PRKDC: variants seen among roughly 807,000 people sequenced by gnomAD.
PRKDC encodes the protein protein kinase, DNA-activated, catalytic subunit.
PRKDC carries 82 observed loss-of-function variants against 486.9 expected under a neutral mutation model. The observed-to-expected ratio is 0.17, with a 90% CI of 0.14 to 0.20. The LOEUF is 0.20. Ranked by LOEUF, PRKDC falls within the 10% of genes least tolerant of loss-of-function variation. PRKDC has a pLI of 1.00. For synonymous variants in PRKDC, 1,895 were observed against 1,837.0 expected, an observed-to-expected ratio of 1.03 and a Z score of -0.81; for missense variants, 4,504 against 5,038.2, an observed-to-expected ratio of 0.89 and a Z score of 3.21.
At position 47,819,349 on chromosome 8, in the gene PRKDC, T is replaced by C. The variant is rs2087529022; in HGVS notation, c.9445+53A>G. 5 of 1,207,312 alleles carry C rather than the reference T, an allele frequency of 4.1e-6. 1 individual carries two copies. In the East Asian group the frequency reaches 1.3e-4, roughly 32 times the overall value. The allele number at this position is 1,207,312 out of a possible 1,614,324, so 74.8% of individuals were successfully genotyped here. ...ACTAAGCAGAAAATAATTTAGATGC[T>C]AAAACTCTTCCACAATTAGAAATGA... On this transcript the variant is annotated intron_variant, in intron 67 of 85. Coordinates refer to ENST00000314191, the MANE Select transcript of PRKDC (RefSeq NM_006904.7).
intron 29 of PRKDC, 42 bp downstream of exon 29, chr8:47,898,428 T>C (rs775413036): frequency 6.8e-7 from 1 of 1,461,140 alleles, no homozygotes; most frequent in Non-Finnish European, 9.4e-7. Flanking sequence ...GAATTAGTTT[T>C]ATGTTGTGGG....
At position 47,902,754 on chromosome 8, in the gene PRKDC, A is replaced by G; in HGVS notation, c.3084T>C (p.Phe1028=). 6.2e-7 allele frequency: 1 copy of G among 1,613,726 alleles called. No homozygotes were observed. The highest frequency in any genetic ancestry group is 8.5e-7 in the Non-Finnish European group (1 of 1,179,794). ...GGAATTCTCGAATACACCGACCACA[A>G]AAATCTCTTAAAGTACTGTCAACAG... The part of the protein sequence containing the change: ...VDPVDSTLRD[F]CGRCIREFLK... The change falls in exon 27 of 86, where the codon TTT becomes TTC. Residue 1028 remains phenylalanine (F), a synonymous_variant. Transcript: ENST00000314191.
At position 47,928,344 on chromosome 8, in the gene PRKDC, G is replaced by T. The variant is rs552544081; in HGVS notation, c.2140-454C>A. 2.6e-4 allele frequency among the ~76,000 whole-genome samples: 39 copies of T among 151,846 alleles called. No individual in the cohort carries two copies. The South Asian group carries it at 7.5e-3, about 29-fold the overall frequency. The stretch of plus-strand genomic sequence containing the variant: ...TTTTTTGTATTTTTAGTACAGATGG[G>T]ATTTCGCCATGTTGGCCAGGCTGGT... On this transcript the variant is annotated intron_variant, in intron 19 of 85. Transcript: ENST00000314191.
chr8:47,773,777 T>C lies in PRKDC; in HGVS notation c.*396A>G, dbSNP rs925372508. The C allele has an allele frequency of 3.7e-5, 9 of 240,176 alleles. No homozygotes were observed. The highest frequency in any genetic ancestry group is 1.8e-4 in the African/African-American group (8 of 45,488). The allele number at this position is 240,176 out of a possible 1,614,324, so 14.9% of individuals were successfully genotyped here. On this transcript the variant is annotated 3_prime_UTR_variant, in exon 86 of 86. Coordinates refer to ENST00000314191, the MANE Select transcript of PRKDC (RefSeq NM_006904.7). ...AATCTTGGTGATGAAGCCTTCTGAG[T>C]GTGCTTTCCAATGTGCCAGAACCAG... is the stretch of plus-strand genomic sequence containing the variant.
chr8:47,828,078 G>T, intron 62 of PRKDC, 90 bp downstream of exon 62: 2 of 1,280,092 alleles, frequency 1.6e-6, no homozygotes, highest in Non-Finnish European at 2.2e-6. Flanking sequence ...GTTATCAAGA[G>T]TCTCAACACG....
chr8:47,941,863 T>G (rs2090450301), intron 10 of PRKDC, among the ~76,000 whole-genome samples: 1 of 152,268 alleles, frequency 6.6e-6, no homozygotes, highest in Non-Finnish European at 1.5e-5. Flanking sequence ...CTCTAAAATC[T>G]ATTCAATGTA....
chr8:47,834,448 C>T (rs2087961946), intron 58 of PRKDC, 52 bp from the exon 59 acceptor site: 21 of 1,585,938 alleles, frequency 1.3e-5, no homozygotes, highest in Non-Finnish European at 1.8e-5. Context: ...CAGCTCTGTG[C>T]ACGGGGCAGG....
intron 71 of PRKDC, 67 bp downstream of exon 71, chr8:47,800,726 G>A (rs1274531351): frequency 5.1e-6 from 7 of 1,377,808 alleles, no homozygotes; most frequent in Middle Eastern, 3.6e-4. Flanking sequence ...TTACTTTCCT[G>A]TAGCCTGAAC....
At chr8:47,792,682 T>C (rs1447588665) in intron 74 of PRKDC, among the ~76,000 whole-genome samples, 1 of 152,202 alleles carries the variant, frequency 6.6e-6, no homozygotes, top group East Asian at 1.9e-4. Flanking sequence ...GATGTGATTG[T>C]TACACACTGT....
Position 47,878,503 on chromosome 8 carries a change from T to C in PRKDC, c.5236-652A>G, listed in dbSNP as rs564573651. 6.4e-4 allele frequency among the ~76,000 whole-genome samples: 98 copies of C among 152,274 alleles called. 1 individual carries two copies. In the South Asian group the frequency reaches 0.02, roughly 31 times the overall value. ...TTCAACAGGCCCCCCTCCTTCACCA[T>C]GCCAGGGACTCTCGCCCTTACTCTG... On this transcript the variant is annotated intron_variant, in intron 39 of 85. Transcript: ENST00000314191.
intron 1 of PRKDC, among the ~76,000 whole-genome samples, chr8:47,957,726 G>T (rs1279883050): frequency 6.6e-6 from 1 of 152,102 alleles, no homozygotes; most frequent in Non-Finnish European, 1.5e-5. Context: ...GTGTTAGCCA[G>T]GATGGTCTCG....
At chr8:47,795,579 G>T (rs1360958713) in intron 73 of PRKDC, among the ~76,000 whole-genome samples, 2 of 145,278 alleles carry the variant, frequency 1.4e-5, no homozygotes, top group East Asian at 2.1e-4. Flanking sequence ...TGCAACCTTT[G>T]CTTTCTGGGT....
At chr8:47,893,001 G>A (rs1392627414) in intron 31 of PRKDC, 138 bp downstream of exon 31, 1 of 965,658 alleles carries the variant, frequency 1.0e-6, no homozygotes, top group East Asian at 3.0e-5. Context: ...AACCCTTGCA[G>A]AGAAGTGACA....
chr8:47,871,121 C>T (rs952447370), intron 40 of PRKDC, among the ~76,000 whole-genome samples: 1 of 152,146 alleles, frequency 6.6e-6, no homozygotes, highest in South Asian at 2.1e-4. Context: ...CAAAGACTTA[C>T]TGGTCTTAAA....
At chr8:47,848,637 A>G (rs199953990) in intron 54 of PRKDC, among the ~76,000 whole-genome samples, 1 of 151,960 alleles carries the variant, frequency 6.6e-6, no homozygotes, top group East Asian at 1.9e-4. Context: ...ATTCAAAAAT[A>G]AAAGTTGAAA....
chr8:47,944,497 A>C (rs1392667892), intron 7 of PRKDC, among the ~76,000 whole-genome samples: 2 of 151,892 alleles, frequency 1.3e-5, no homozygotes, highest in Non-Finnish European at 1.5e-5. Context: ...AAAAAAAAAA[A>C]AAACAGAAAA....
chr8:47,894,508 C>G (rs2154502010), intron 30 of PRKDC, among the ~76,000 whole-genome samples: 1 of 152,314 alleles, frequency 6.6e-6, no homozygotes, highest in African/African-American at 2.4e-5. Flanking sequence ...GACAGAGAAG[C>G]TGAAGACGCA....
chr8:47,926,517 G>A (rs528857008), intron 21 of PRKDC, among the ~76,000 whole-genome samples: 104 of 152,176 alleles, frequency 6.8e-4, no homozygotes, highest in African/African-American at 1.9e-3. Flanking sequence ...CTTCTACTGT[G>A]AAGATAGTAA....
intron 56 of PRKDC, 66 bp from the exon 57 acceptor site, chr8:47,837,485 A>C: frequency 7.6e-7 from 1 of 1,316,028 alleles, no homozygotes; most frequent in Non-Finnish European, 1.1e-6. Flanking sequence ...TGTGCTGTAC[A>C]GGGTGTCCTG....
Sources: gnomAD v4.1 joint callset for allele counts (sites outside exome capture counted in the v4.1 genomes callset) on GRCh38, gnomAD v4.1.1 for gene constraint, MANE v1.5 for transcripts, NCBI Gene and HGNC (gene_info 2026-07-23, HGNC 2026-07-21) for gene names.